OPRK1: variants seen among roughly 807,000 people sequenced by gnomAD.
The protein encoded by OPRK1 is opioid receptor kappa 1.
A neutral mutation model predicts 24.5 loss-of-function variants in OPRK1; 15 were observed. The ratio of observed to expected loss-of-function variants is 0.61; its 90% CI spans 0.41 to 0.94. OPRK1 has a LOEUF of 0.94. Among genes scored for constraint, OPRK1 ranks in the 40% least tolerant of loss-of-function variants. The pLI is 0.00. For synonymous variants in OPRK1, 205 were observed against 198.0 expected (o/e 1.04, Z -0.30); for missense variants, 479 against 507.3 (o/e 0.94, Z 0.54).
intron 2 of OPRK1, among the ~76,000 whole-genome samples, chr8:53,249,564 T>C (rs1807318096): frequency 6.6e-6 from 1 of 152,240 alleles, no homozygotes; most frequent in Non-Finnish European, 1.5e-5. Flanking sequence ...AATATGTGTT[T>C]GGCGACTTAA....
In OPRK1 at chr8:53,250,903, C is replaced by A. The variant is rs1479986813; in HGVS notation, c.135G>T (p.Glu45Asp). ...EPDSNGSAGS[E>D]DAQLEPAHIS... ...TGTGCGCGGGCTCCAGCTGCGCGTC[C>A]TCCGAGCCGGCGCTGCCGTTGCTGT... The change falls in exon 2 of 4, where the codon GAG (glutamate) becomes GAT (aspartate). Residue 45 changes from glutamate to aspartate, a missense_variant. Glu to Asp is a conservative substitution (Grantham distance 45). Transcript: ENST00000265572. The A allele has an allele frequency of 1.9e-6, 3 of 1,611,378 alleles. No homozygotes were observed. The highest frequency in any genetic ancestry group is 2.5e-6 in the Non-Finnish European group (3 of 1,179,280).
chr8:53,251,293 TC>T, intron 1 of OPRK1, 154 bp downstream of exon 1: 1 of 539,662 alleles, frequency 1.9e-6, no homozygotes, highest in Non-Finnish European at 3.1e-6. Context: ...TCGCTCCTTC[TC>T]CCCCAGCCCC....
intron 3 of OPRK1, among the ~76,000 whole-genome samples, chr8:53,234,345 T>C (rs576772962): frequency 6.6e-6 from 1 of 152,290 alleles, no homozygotes; most frequent in East Asian, 1.9e-4. Context: ...GGTTATCCTT[T>C]AGGAATAAAA....
chr8:53,244,896 T>C (rs1807193910), intron 2 of OPRK1, among the ~76,000 whole-genome samples: 1 of 152,122 alleles, frequency 6.6e-6, no homozygotes, highest in Non-Finnish European at 1.5e-5. Flanking sequence ...GGGGGAGTGG[T>C]TCCAGGATGC....
At chr8:53,243,602 T>G (rs1267308829) in intron 2 of OPRK1, among the ~76,000 whole-genome samples, 2 of 152,244 alleles carry the variant, frequency 1.3e-5, no homozygotes. Flanking sequence ...GGCCTCCATC[T>G]GTGATCACAC....
Position 53,242,932 on chromosome 8 carries a change from G to A in OPRK1, c.258-7821C>T, listed in dbSNP as rs1010049910. The A allele has an allele frequency of 1.9e-5, 25 of 1,287,936 alleles. No homozygotes were observed. In the Admixed American group the frequency reaches 3.2e-4, roughly 17 times the overall value. The allele number at this position is 1,287,936 out of a possible 1,614,324, so 79.8% of individuals were successfully genotyped here. ...TCCAACCTGTTTGGCCAATGGAGAA[G>A]GCAAGTGTTAAGCCATTTATAGTAT... On this transcript the variant is annotated intron_variant, in intron 2 of 3. Transcript: ENST00000265572.
intron 2 of OPRK1, among the ~76,000 whole-genome samples, chr8:53,246,595 C>T (rs986692409): frequency 7.7e-6 from 1 of 130,202 alleles, no homozygotes; most frequent in Non-Finnish European, 1.6e-5. Flanking sequence ...ATGGTAAAGA[C>T]CCCAGGAGCA....
In OPRK1 at chr8:53,225,896, C is replaced by T. The variant is rs1222959013; in HGVS notation, c.*3401G>A. 2 of 152,428 alleles carry T rather than the reference C, an allele frequency of 1.3e-5. No homozygotes were observed. The highest frequency in any genetic ancestry group is 2.9e-5 in the Non-Finnish European group (2 of 68,028). The allele number at this position is 152,428 out of a possible 1,614,324, so 9.4% of individuals were successfully genotyped here. A position where few individuals can be genotyped will look rare whatever the true frequency, so the allele number is the denominator to read the frequency against. The stretch of plus-strand genomic sequence containing the variant: ...ATTGCCTTAAGGAAGCTGGGTTATA[C>T]CGTTTTTGGATGTGATTTTCGTATT... On this transcript the variant is annotated 3_prime_UTR_variant, in exon 4 of 4. Coordinates refer to ENST00000265572, the MANE Select transcript of OPRK1 (RefSeq NM_000912.5).
Position 53,229,787 on chromosome 8 carries a change from T to A in OPRK1, c.653A>T (p.Asp218Val), listed in dbSNP as rs201431138. Residue 218 changes from aspartate (D) to valine (V), a missense_variant, in exon 4 of 4, where the codon GAC becomes GTC. Physicochemically the swap from Asp to Val is radical, Grantham distance 152. Transcript: ENST00000265572. ...IECSLQFPDD[D>V]YSWWDLFMKI... ...CATGAAGAGGTCCCACCAGGAGTAG[T>A]CATCATCTGGGAACTGCAAGGAGCA... The A allele has an allele frequency of 8.7e-6, 14 of 1,602,346 alleles. No individual in the cohort carries two copies. The African/African-American group carries it at 1.9e-4, about 22-fold the overall frequency.
chr8:53,242,976 C>T (rs1212566023), intron 2 of OPRK1: 2 of 1,265,562 alleles, frequency 1.6e-6, no homozygotes, highest in African/African-American at 3.1e-5. Context: ...CTCCTAAAAT[C>T]TATTCTTCAT....
intron 2 of OPRK1, among the ~76,000 whole-genome samples, chr8:53,250,062 G>T (rs537086868): frequency 7.1e-6 from 1 of 140,204 alleles, no homozygotes; most frequent in African/African-American, 2.8e-5. Context: ...TTGACTTGAA[G>T]AAATTTCCAC....
chr8:53,250,562 G>A (rs891140093), intron 2 of OPRK1, among the ~76,000 whole-genome samples: 1 of 152,098 alleles, frequency 6.6e-6, no homozygotes, highest in African/African-American at 2.4e-5. Context: ...GCCCCTGGCC[G>A]CTCGGATTCG....
chr8:53,251,356 C>G (rs1367074072), intron 1 of OPRK1, 92 bp downstream of exon 1: 1 of 419,036 alleles, frequency 2.4e-6, no homozygotes, highest in African/African-American at 2.1e-5. Context: ...GGAACTGTCC[C>G]CAGACTGCCT....
In OPRK1 at chr8:53,228,384, C is replaced by G. The variant is rs1338219979; in HGVS notation, c.*913G>C. 1 of 152,192 alleles carries G rather than the reference C, an allele frequency of 6.6e-6. No homozygotes were observed. Among genetic ancestry groups the G allele is most frequent in the Admixed American group, 6.5e-5 (1 of 15,280 alleles). 9.4% of individuals were successfully genotyped at this position (152,192 alleles called of 1,614,324 possible). A position where few individuals can be genotyped will look rare whatever the true frequency, so the allele number is the denominator to read the frequency against. ...GGTATTCAGGGAGTCTGAAAGAGAT[C>G]ATGCCATGACTAATTCCCAGCAAAA... On this transcript the variant is annotated 3_prime_UTR_variant, in exon 4 of 4. Transcript: ENST00000265572.
chr8:53,248,668 A>C (rs920943848), intron 2 of OPRK1, among the ~76,000 whole-genome samples: 3 of 152,188 alleles, frequency 2.0e-5, no homozygotes, highest in Non-Finnish European at 4.4e-5. Flanking sequence ...ATAATACTAA[A>C]TACTCCTTTT....
At position 53,225,789 on chromosome 8, in the gene OPRK1, TATC is replaced by T. The variant is rs1269187299; in HGVS notation, c.*3505_*3507del. The stretch of plus-strand genomic sequence containing the variant: ...CACAATCGTATATACAATGCATAAT[TATC>T]ATCTTTTAAAGTACAAGATAAAAAT... On this transcript the variant is annotated 3_prime_UTR_variant, in exon 4 of 4. Transcript: ENST00000265572. 2 of 152,660 alleles carry T rather than the reference TATC, an allele frequency of 1.3e-5. No individual in the cohort carries two copies. The highest frequency in any genetic ancestry group is 1.9e-4 in the East Asian group (1 of 5,202). The allele number at this position is 152,660 out of a possible 1,614,324, so 9.5% of individuals were successfully genotyped here.
chr8:53,242,045 G>A (rs1001692882), intron 2 of OPRK1, among the ~76,000 whole-genome samples: 5 of 152,212 alleles, frequency 3.3e-5, no homozygotes, highest in African/African-American at 7.2e-5. Flanking sequence ...ATGGCACCTC[G>A]CTAATGACTG....
In OPRK1 at chr8:53,225,999, C is replaced by CTT. The variant is rs1806673232; in HGVS notation, c.*3296_*3297dup. 1 of 152,148 alleles carries CTT rather than the reference C, an allele frequency of 6.6e-6. No homozygotes were observed. 9.4% of individuals were successfully genotyped at this position (152,148 alleles called of 1,614,324 possible). The stretch of plus-strand genomic sequence containing the variant: ...GACACACAACCTTTCACAGCTTTCA[C>CTT]TTTACAATGTTCCAATTTAAAGTCA... On this transcript the variant is annotated 3_prime_UTR_variant, in exon 4 of 4. Coordinates refer to ENST00000265572, the MANE Select transcript of OPRK1 (RefSeq NM_000912.5).
rs1806729820 is a variant in OPRK1 at position 53,227,451 on chromosome 8, T to G, written c.*1846A>C. The stretch of plus-strand genomic sequence containing the variant: ...CCAGGGCTTGTTTCTGGAACTATCC[T>G]CTATATAGATATCCTTCCTGTACCA... On this transcript the variant is annotated 3_prime_UTR_variant, in exon 4 of 4. Transcript: ENST00000265572. The G allele has an allele frequency of 6.6e-6, 1 of 152,218 alleles. No homozygotes were observed. The highest frequency in any genetic ancestry group is 1.5e-5 in the Non-Finnish European group (1 of 68,044). The allele number at this position is 152,218 out of a possible 1,614,324, so 9.4% of individuals were successfully genotyped here.
Sources: allele counts gnomAD v4.1 joint callset (sites outside exome capture counted in the v4.1 genomes callset), GRCh38; gene constraint gnomAD v4.1.1; transcripts MANE v1.5; gene names NCBI Gene and HGNC (gene_info 2026-07-23, HGNC 2026-07-21).